OR8D4: variants seen among roughly 807,000 people sequenced by gnomAD.
The protein encoded by OR8D4 is olfactory receptor family 8 subfamily D member 4.
For synonymous variants in OR8D4, 141 were observed against 134.8 expected, an observed-to-expected ratio of 1.05 and a Z score of -0.32; for missense variants, 359 against 372.6, an observed-to-expected ratio of 0.96 and a Z score of 0.30.
chr11:123,904,853 TAGCC>T (rs1863187796), intron 1 of OR8D4, among the ~76,000 whole-genome samples: 1 of 152,174 alleles, frequency 6.6e-6, no homozygotes, highest in South Asian at 2.1e-4. Context: ...GCTTATTAAA[TAGCC>T]AGGTAGCTGG....
At position 123,908,106 on chromosome 11, in the gene OR8D4, C is replaced by T. The variant is rs1025438843; in HGVS notation, c.*730C>T. The T allele has an allele frequency of 1.3e-5, 2 of 152,082 alleles. No individual in the cohort carries two copies. The highest frequency in any genetic ancestry group is 2.9e-5 in the Non-Finnish European group (2 of 68,006). The allele number at this position is 152,082 out of a possible 1,614,324, so 9.4% of individuals were successfully genotyped here. A position where few individuals can be genotyped will look rare whatever the true frequency, so the allele number is the denominator to read the frequency against. ...TTTCTTGATTGTTTCTTATAAAGGG[C>T]TTCTTGAAAGCCAGTATTGTCTTAC... On this transcript the variant is annotated 3_prime_UTR_variant, in exon 2 of 2. Transcript: ENST00000641687.
chr11:123,908,489 T>C lies in OR8D4; in HGVS notation c.*1113T>C, dbSNP rs915515824. On this transcript the variant is annotated 3_prime_UTR_variant, in exon 2 of 2. Transcript: ENST00000641687. ...GGAATGTGATGTATTAGCTAATTCATTTGTTCAGCATATGCTTATCATGGA... is the reference window on the plus strand; with the variant it reads ...GGAATGTGATGTATTAGCTAATTCACTTGTTCAGCATATGCTTATCATGGA... 2.0e-5 allele frequency: 3 copies of C among 152,192 alleles called. No homozygotes were observed. Among genetic ancestry groups the C allele is most frequent in the Non-Finnish European group, 4.4e-5 (3 of 68,020 alleles). 9.4% of individuals were successfully genotyped at this position (152,192 alleles called of 1,614,324 possible).
intron 1 of OR8D4, 141 bp downstream of exon 1, chr11:123,902,398 A>C (rs1322819156): frequency 6.6e-6 from 1 of 152,168 alleles, no homozygotes; most frequent in Non-Finnish European, 1.5e-5. Flanking sequence ...GGCCATAGGC[A>C]TCCATCTCAG....
Position 123,907,398 on chromosome 11 carries a change from A to G in OR8D4, c.*22A>G, listed in dbSNP as rs1287286667. ...ATAAATATGCTCTTTATTAAGATCT[A>G]TTTCTGTATTCATAATCATGATTAT... On this transcript the variant is annotated 3_prime_UTR_variant, in exon 2 of 2. Coordinates refer to ENST00000641687, the MANE Select transcript of OR8D4 (RefSeq NM_001005197.2). The G allele has an allele frequency of 2.1e-6, 2 of 940,778 alleles. No individual in the cohort carries two copies. The highest frequency in any genetic ancestry group is 3.2e-6 in the Non-Finnish European group (2 of 616,170). The allele number at this position is 940,778 out of a possible 1,614,324, so 58.3% of individuals were successfully genotyped here. A position where few individuals can be genotyped will look rare whatever the true frequency, so the allele number is the denominator to read the frequency against.
At position 123,907,351 on chromosome 11, in the gene OR8D4, GA is replaced by G; in HGVS notation, c.925del (p.Ile309TyrfsTer12). 1 of 1,372,144 alleles carries G rather than the reference GA, an allele frequency of 7.3e-7. No individual in the cohort carries two copies. Among genetic ancestry groups the G allele is most frequent in the Non-Finnish European group, 1.0e-6 (1 of 984,200 alleles). The allele number at this position is 1,372,144 out of a possible 1,614,324, so 85.0% of individuals were successfully genotyped here. A position where few individuals can be genotyped will look rare whatever the true frequency, so the allele number is the denominator to read the frequency against. On this transcript the variant is annotated frameshift_variant, in exon 2 of 2. Transcript: ENST00000641687. LOFTEE classifies it high-confidence loss of function. ...VRNALMKLLR[R>X]KISLSPG ...AATGCTCTGATGAAACTTTTAAGAAGAAAAATATCTTTATCTCCAGGATAAA... is the reference window on the plus strand; with the variant it reads ...AATGCTCTGATGAAACTTTTAAGAAGAAAATATCTTTATCTCCAGGATAAA...
chr11:123,907,479 A>C lies in OR8D4; in HGVS notation c.*103A>C. 1 of 580,110 alleles carries C rather than the reference A, an allele frequency of 1.7e-6. No individual in the cohort carries two copies. The highest frequency in any genetic ancestry group is 3.0e-6 in the Non-Finnish European group (1 of 338,716). The allele number at this position is 580,110 out of a possible 1,614,324, so 35.9% of individuals were successfully genotyped here. A position where few individuals can be genotyped will look rare whatever the true frequency, so the allele number is the denominator to read the frequency against. ...AGTAATTTGAGGTCCAGGTACGGTG[A>C]CTTACGCCTGTAATCCCAGCACTTT... On this transcript the variant is annotated 3_prime_UTR_variant, in exon 2 of 2. Transcript: ENST00000641687.
chr11:123,905,020 G>A (rs1863189046), intron 1 of OR8D4, among the ~76,000 whole-genome samples: 1 of 152,184 alleles, frequency 6.6e-6, no homozygotes, highest in Non-Finnish European at 1.5e-5. Flanking sequence ...ATTCCAAGAT[G>A]TGTGCTATGT....
chr11:123,906,607 T>C lies in OR8D4; in HGVS notation c.176T>C (p.Met59Thr). 1 of 1,613,976 alleles carries C rather than the reference T, an allele frequency of 6.2e-7. No individual in the cohort carries two copies. Among genetic ancestry groups the C allele is most frequent in the Non-Finnish European group, 8.5e-7 (1 of 1,179,826 alleles). Residue 59 changes from methionine (M) to threonine (T), a missense_variant, in exon 2 of 2, where the codon ATG becomes ACG. Transcript: ENST00000641687. The stretch of plus-strand genomic sequence containing the variant: ...CTGAATCGTCAACTTCATACCCCCA[T>C]GTACTATTTCCTGAGTAGTTTGTCT... ...IRLNRQLHTP[M>T]YYFLSSLSFL...
chr11:123,909,160 A>C lies in OR8D4; in HGVS notation c.*1784A>C, dbSNP rs1190042767. The C allele has an allele frequency of 1.3e-5, 2 of 152,190 alleles. No individual in the cohort carries two copies. The highest frequency in any genetic ancestry group is 3.8e-4 in the East Asian group (2 of 5,200). 9.4% of individuals were successfully genotyped at this position (152,190 alleles called of 1,614,324 possible). The stretch of plus-strand genomic sequence containing the variant: ...TGATGCTGTTAAACTTATTTTGGTA[A>C]GAAACAATGTGATTTTAGTTCCAGG... On this transcript the variant is annotated 3_prime_UTR_variant, in exon 2 of 2. Transcript: ENST00000641687.
In OR8D4 at chr11:123,906,613, A is replaced by G. The variant is rs764339053; in HGVS notation, c.182A>G (p.Tyr61Cys). ...LNRQLHTPMY[Y>C]FLSSLSFLDF... ...CGTCAACTTCATACCCCCATGTACTATTTCCTGAGTAGTTTGTCTTTTTTA... is the reference window on the plus strand; with the variant it reads ...CGTCAACTTCATACCCCCATGTACTGTTTCCTGAGTAGTTTGTCTTTTTTA... The change falls in exon 2 of 2, where the codon TAT (tyrosine) becomes TGT (cysteine). Residue 61 changes from tyrosine to cysteine, a missense_variant. Coordinates refer to ENST00000641687, the MANE Select transcript of OR8D4 (RefSeq NM_001005197.2). 4.3e-6 allele frequency: 7 copies of G among 1,613,638 alleles called. No homozygotes were observed. Among genetic ancestry groups the G allele is most frequent in the Non-Finnish European group, 5.9e-6 (7 of 1,179,800 alleles).
At chr11:123,902,867 A>C (rs1031411814) in intron 1 of OR8D4, among the ~76,000 whole-genome samples, 1 of 152,170 alleles carries the variant, frequency 6.6e-6, no homozygotes, top group Non-Finnish European at 1.5e-5. Flanking sequence ...CGGGTATAAA[A>C]TACACTATGG....
chr11:123,907,709 T>C lies in OR8D4; in HGVS notation c.*333T>C, dbSNP rs1863217104. The C allele has an allele frequency of 7.3e-6, 1 of 137,268 alleles. No individual in the cohort carries two copies. The highest frequency in any genetic ancestry group is 2.8e-5 in the African/African-American group (1 of 35,740). 8.5% of individuals were successfully genotyped at this position (137,268 alleles called of 1,614,324 possible). A position where few individuals can be genotyped will look rare whatever the true frequency, so the allele number is the denominator to read the frequency against. On this transcript the variant is annotated 3_prime_UTR_variant, in exon 2 of 2. Transcript: ENST00000641687. ...TTGCAGTGAGCCGAGATCACACCATTGCACTCCAGCCTGGGTGACAAGAGT... is the reference window on the plus strand; with the variant it reads ...TTGCAGTGAGCCGAGATCACACCATCGCACTCCAGCCTGGGTGACAAGAGT...
chr11:123,903,392 G>A (rs1863176527), intron 1 of OR8D4, among the ~76,000 whole-genome samples: 1 of 152,034 alleles, frequency 6.6e-6, no homozygotes, highest in East Asian at 1.9e-4. Context: ...CTTCTAGGAT[G>A]TTTTAAATTG....
At position 123,907,277 on chromosome 11, in the gene OR8D4, T is replaced by G; in HGVS notation, c.846T>G (p.Ile282Met). 1 of 1,607,866 alleles carries G rather than the reference T, an allele frequency of 6.2e-7. No homozygotes were observed. The highest frequency in any genetic ancestry group is 8.5e-7 in the Non-Finnish European group (1 of 1,174,442). ...KVSSVFYTTV[I>M]LMLNPLIYSL... ...CCTCAGTATTTTATACCACTGTGATTCTCATGTTGAATCCCTTGATATATA... is the reference window on the plus strand; with the variant it reads ...CCTCAGTATTTTATACCACTGTGATGCTCATGTTGAATCCCTTGATATATA... Residue 282 changes from isoleucine to methionine, a missense_variant, in exon 2 of 2, where the codon ATT becomes ATG. Physicochemically the swap from Ile to Met is conservative, Grantham distance 10 (BLOSUM62 1). Transcript: ENST00000641687.
chr11:123,906,924 A>G lies in OR8D4; in HGVS notation c.493A>G (p.Arg165Gly), dbSNP rs371833078. 19 of 1,613,866 alleles carry G rather than the reference A, an allele frequency of 1.2e-5. No individual in the cohort carries two copies. The African/African-American group carries it at 2.4e-4, about 20-fold the overall frequency. The change falls in exon 2 of 2, where the codon AGG becomes GGG. Residue 165 changes from arginine (R) to glycine (G), a missense_variant. By Grantham distance (125) the Arg-to-Gly change is moderately radical (BLOSUM62 -2). Coordinates refer to ENST00000641687, the MANE Select transcript of OR8D4 (RefSeq NM_001005197.2). ...TGTGATCCATGGAGGTTGTATACTC[A>G]GGTTGTCTTTCTGTGGATCAAACAT... ...DAVIHGGCIL[R>G]LSFCGSNIIK...
At position 123,907,248 on chromosome 11, in the gene OR8D4, G is replaced by C. The variant is rs543598139; in HGVS notation, c.817G>C (p.Val273Leu). ...ASSSSLTQEK[V>L]SSVFYTTVIL... ...TAGCAGTTCACTCACCCAGGAGAAA[G>C]TATCCTCAGTATTTTATACCACTGT... Residue 273 changes from valine (V) to leucine (L), a missense_variant, in exon 2 of 2, where the codon GTA (valine) becomes CTA (leucine). Transcript: ENST00000641687. 1 of 1,612,380 alleles carries C rather than the reference G, an allele frequency of 6.2e-7. No individual in the cohort carries two copies. Among genetic ancestry groups the C allele is most frequent in the South Asian group, 1.1e-5 (1 of 91,052 alleles).
chr11:123,903,003 T>C (rs1212319997), intron 1 of OR8D4, among the ~76,000 whole-genome samples: 2 of 151,338 alleles, frequency 1.3e-5, no homozygotes, highest in Non-Finnish European at 2.9e-5. Flanking sequence ...GTCTGTGGGT[T>C]CCACATCTGT....
At chr11:123,903,396 T>A (rs1237758744) in intron 1 of OR8D4, among the ~76,000 whole-genome samples, 1 of 152,068 alleles carries the variant, frequency 6.6e-6, no homozygotes, top group African/African-American at 2.4e-5. Flanking sequence ...TAGGATGTTT[T>A]AAATTGCCCG....
Position 123,907,228 on chromosome 11 carries a change from G to A in OR8D4, c.797G>A (p.Ser266Asn), listed in dbSNP as rs1439274640. The A allele has an allele frequency of 1.9e-6, 3 of 1,613,580 alleles. No individual in the cohort carries two copies. The highest frequency in any genetic ancestry group is 1.7e-5 in the Admixed American group (1 of 59,982). Reference protein sequence around the residue: ...MSMYLKPASSSSLTQEKVSSV... With the variant: ...MSMYLKPASSNSLTQEKVSSV... ...ATGTATCTCAAACCTGCTTCTAGCAGTTCACTCACCCAGGAGAAAGTATCC... is the reference window on the plus strand; with the variant it reads ...ATGTATCTCAAACCTGCTTCTAGCAATTCACTCACCCAGGAGAAAGTATCC... The change falls in exon 2 of 2, where the codon AGT (serine) becomes AAT (asparagine). Residue 266 changes from serine to asparagine, a missense_variant. Ser to Asn is a conservative substitution (Grantham distance 46). Coordinates refer to ENST00000641687, the MANE Select transcript of OR8D4 (RefSeq NM_001005197.2).
Sources: gnomAD v4.1 joint callset for allele counts (sites outside exome capture counted in the v4.1 genomes callset) on GRCh38, gnomAD v4.1.1 for gene constraint, MANE v1.5 for transcripts, NCBI Gene and HGNC (gene_info 2026-07-23, HGNC 2026-07-21) for gene names.